HDHD2: variants seen among roughly 807,000 people sequenced by gnomAD.
HDHD2 encodes haloacid dehalogenase like hydrolase domain containing 2, also known as haloacid dehalogenase-like hydrolase domain-containing protein 2.
Under a neutral mutation model 24.8 loss-of-function variants are expected in HDHD2, and 26 were observed. That is an observed-to-expected ratio of 1.05 (90% CI 0.77 to 1.45). The LOEUF is 1.45. HDHD2 is among the 40% of genes most tolerant of loss of function. The probability of loss-of-function intolerance (pLI) is 0.00; values close to 1 mark genes in which losing one functional copy is unlikely to be tolerated. For synonymous variants in HDHD2, 128 were observed against 114.9 expected, an observed-to-expected ratio of 1.11 and a Z score of -0.73; for missense variants, 299 against 313.4, an observed-to-expected ratio of 0.95 and a Z score of 0.35.
intron 1 of HDHD2, among the ~76,000 whole-genome samples, chr18:47,147,462 T>TA (rs1008682217): frequency 6.6e-6 from 1 of 152,164 alleles, no homozygotes; most frequent in Admixed American, 6.5e-5. Context: ...GTGTAATAGT[T>TA]AAAAAATTAT....
chr18:47,110,227 TGGA>T (rs2063504663), intron 6 of HDHD2: 1 of 985,436 alleles, frequency 1.0e-6, no homozygotes, highest in Non-Finnish European at 1.2e-6. Context: ...TGCATCATGG[TGGA>T]GAAGACGCTT....
At chr18:47,144,809 A>G (rs1225109512) in intron 1 of HDHD2, among the ~76,000 whole-genome samples, 1 of 151,386 alleles carries the variant, frequency 6.6e-6, no homozygotes, top group Non-Finnish European at 1.5e-5. Flanking sequence ...CAAAAAAAAA[A>G]AAAAAGAAAA....
intron 5 of HDHD2, among the ~76,000 whole-genome samples, chr18:47,114,823 G>A (rs1405029581): frequency 6.6e-6 from 1 of 151,392 alleles, no homozygotes. Flanking sequence ...AATATAAATG[G>A]CTTTTGAACT....
At chr18:47,133,832 T>C (rs1397055252) in intron 3 of HDHD2, among the ~76,000 whole-genome samples, 1 of 151,170 alleles carries the variant, frequency 6.6e-6, no homozygotes, top group Non-Finnish European at 1.5e-5. Context: ...GGGTTGTTTT[T>C]TTCTTGTAAA....
At chr18:47,147,982 TTTTC>T (rs1481968802) in intron 1 of HDHD2, among the ~76,000 whole-genome samples, 6 of 135,180 alleles carry the variant, frequency 4.4e-5, no homozygotes, top group Admixed American at 1.6e-4. Context: ...AAACTTTGTT[TTTTC>T]TTTCTTTTTT....
chr18:47,148,216 G>A (rs72907259), intron 1 of HDHD2, among the ~76,000 whole-genome samples: 4,003 of 152,104 alleles, frequency 0.026, 61 homozygotes, highest in Non-Finnish European at 0.041. Flanking sequence ...GTCTCGAACT[G>A]GTGAGTTCAA....
chr18:47,131,880 T>C (rs1482508230), intron 3 of HDHD2, among the ~76,000 whole-genome samples: 3 of 152,260 alleles, frequency 2.0e-5, no homozygotes, highest in African/African-American at 7.2e-5. Context: ...TAAAGTCATT[T>C]GAAGTAATTC....
chr18:47,114,543 A>C (rs956480361), intron 5 of HDHD2, among the ~76,000 whole-genome samples: 1 of 152,240 alleles, frequency 6.6e-6, no homozygotes, highest in Admixed American at 6.5e-5. Flanking sequence ...CATGGGAAAT[A>C]ACATTTGCCT....
intron 4 of HDHD2, among the ~76,000 whole-genome samples, chr18:47,125,125 G>A (rs753989978): frequency 6.6e-5 from 10 of 152,064 alleles, no homozygotes; most frequent in Non-Finnish European, 1.2e-4. Flanking sequence ...TAGTGCCACT[G>A]CACTCTAGCC....
At chr18:47,144,799 C>CA (rs200234127) in intron 1 of HDHD2, among the ~76,000 whole-genome samples, 744 of 60,780 alleles carry the variant, frequency 0.012, 6 homozygotes, top group South Asian at 0.036. Context: ...GACCCTGTCT[C>CA]AAAAAAAAAA....
intron 6 of HDHD2, chr18:47,111,847 A>C: frequency 1.0e-6 from 1 of 979,870 alleles, no homozygotes; most frequent in Non-Finnish European, 1.2e-6. Flanking sequence ...CATCATAGTC[A>C]CTTTTTCTAA....
At chr18:47,126,949 C>A (rs1403551527) in intron 4 of HDHD2, among the ~76,000 whole-genome samples, 1 of 152,084 alleles carries the variant, frequency 6.6e-6, no homozygotes, top group Non-Finnish European at 1.5e-5. Context: ...TGGATCACGA[C>A]GTCAGATCGA....
rs374879684 is a variant in HDHD2, at chr18:47,115,196, G to A, written c.548C>T (p.Thr183Met). The change falls in exon 5 of 7, where the codon ACG (threonine) becomes ATG (methionine). Residue 183 changes from threonine (T) to methionine (M), a missense_variant. By Grantham distance (81) the Thr-to-Met change is moderately conservative. Transcript: ENST00000300605. Reference sequence around the variant, plus strand: ...GCCCCGCAATGCTTCCAAAAAGAACGTCTTCTCTGGTTTCCCCACGACTGT... The same window carrying A: ...GCCCCGCAATGCTTCCAAAAAGAACATCTTCTCTGGTTTCCCCACGACTGT... Reference protein sequence around the residue: ...KATVVGKPEKTFFLEALRGTG... With the variant: ...KATVVGKPEKMFFLEALRGTG... The A allele has an allele frequency of 5.1e-5, 82 of 1,613,870 alleles. 1 individual carries two copies. In the East Asian group the frequency reaches 5.1e-4, roughly 10 times the overall value.
rs73954240 is a variant in HDHD2 at position 47,137,724 on chromosome 18, A to G, written c.-10-1275T>C. Among the ~76,000 whole-genome samples the G allele has an allele frequency of 5.5e-3, 840 of 152,320 alleles. 8 individuals carry two copies. The highest frequency in any genetic ancestry group is 0.019 in the African/African-American group (801 of 41,556). Reference sequence around the variant, plus strand: ...GAATTTTAATGTTTTTCATTTATCAATGTAAAACCAAAGACAATTTTATAA... The same window carrying G: ...GAATTTTAATGTTTTTCATTTATCAGTGTAAAACCAAAGACAATTTTATAA... On this transcript the variant is annotated intron_variant, in intron 1 of 6. Transcript: ENST00000300605.
intron 4 of HDHD2, 25 bp from the exon 5 acceptor site, chr18:47,115,373 A>C (rs762040050): frequency 3.8e-6 from 6 of 1,573,074 alleles, no homozygotes; most frequent in Non-Finnish European, 5.2e-6. Flanking sequence ...AACAAAAAAA[A>C]CAAATTGGCT....
chr18:47,126,936 G>A (rs1162210039), intron 4 of HDHD2, among the ~76,000 whole-genome samples: 2 of 152,140 alleles, frequency 1.3e-5, no homozygotes, highest in East Asian at 1.9e-4. Flanking sequence ...AGGCTGAGGC[G>A]GGTGGATCAC....
chr18:47,136,390 G>A lies in HDHD2; in HGVS notation c.50C>T (p.Thr17Ile), dbSNP rs2144361108. The A allele has an allele frequency of 1.2e-6, 2 of 1,612,940 alleles. No homozygotes were observed. Among genetic ancestry groups the A allele is most frequent in the Middle Eastern group, 1.7e-4 (1 of 6,060 alleles). The change falls in exon 2 of 7, where the codon ACA becomes ATA. Residue 17 changes from threonine (T) to isoleucine (I), a missense_variant. By Grantham distance (89) the Thr-to-Ile change is moderately conservative. Coordinates refer to ENST00000300605, the MANE Select transcript of HDHD2 (RefSeq NM_032124.5). ...LKAVLVDLSG[T>I]LHIEDAAVPG... ...CACAGCTGCATCTTCAATGTGAAGT[G>A]TGCCACTGAGATCTACCAAAACAGC... is the stretch of plus-strand genomic sequence containing the variant.
At chr18:47,112,319 A>C (rs765326500) in intron 6 of HDHD2, among the ~76,000 whole-genome samples, 28 of 152,092 alleles carry the variant, frequency 1.8e-4, no homozygotes, top group Non-Finnish European at 3.4e-4. Context: ...CCTTGACCCG[A>C]GTCTCACACA....
At chr18:47,125,250 A>G (rs2063647212) in intron 4 of HDHD2, among the ~76,000 whole-genome samples, 1 of 152,232 alleles carries the variant, frequency 6.6e-6, no homozygotes, top group African/African-American at 2.4e-5. Flanking sequence ...TATTAAATAG[A>G]GAATATAGAG....
Sources: gnomAD v4.1 joint callset for allele counts (sites outside exome capture counted in the v4.1 genomes callset) on GRCh38, gnomAD v4.1.1 for gene constraint, MANE v1.5 for transcripts, NCBI Gene and HGNC (gene_info 2026-07-23, HGNC 2026-07-21) for gene names.